STX8: variants seen among roughly 807,000 people sequenced by gnomAD.
The protein encoded by STX8 is syntaxin 8.
Under a neutral mutation model 37.5 loss-of-function variants are expected in STX8, and 23 were observed. The observed-to-expected ratio is 0.61, with a 90% CI of 0.44 to 0.87. The LOEUF (loss-of-function observed/expected upper bound fraction) is 0.87, where lower values mean the gene tolerates loss of function less well. STX8 is among the 40% of genes least tolerant of loss of function. STX8 has a pLI of 0.00. For synonymous variants in STX8, 115 were observed against 99.1 expected, an observed-to-expected ratio of 1.16 and a Z score of -0.95; for missense variants, 313 against 284.7, an observed-to-expected ratio of 1.10 and a Z score of -0.71.
intron 7 of STX8, among the ~76,000 whole-genome samples, chr17:9,352,726 T>C (rs1276646679): frequency 6.6e-6 from 1 of 151,420 alleles, no homozygotes; most frequent in Admixed American, 6.6e-5. Flanking sequence ...ATGGTCTCGA[T>C]CTCCTGACCT....
intron 4 of STX8, among the ~76,000 whole-genome samples, chr17:9,516,298 CATATATATATATATATATATATATAT>C (rs150682084): frequency 7.3e-4 from 38 of 51,752 alleles, no homozygotes; most frequent in Admixed American, 2.8e-3. Flanking sequence ...GAACCACAGT[CATATATATATATATATATATATATAT>C]ATATATATAT....
intron 6 of STX8, among the ~76,000 whole-genome samples, chr17:9,405,912 G>T (rs141668520): frequency 5.3e-5 from 8 of 152,178 alleles, no homozygotes; most frequent in African/African-American, 1.4e-4. Flanking sequence ...CTTTCCTTTT[G>T]CTTTAAGTTG....
At chr17:9,371,786 A>G (rs148337719) in intron 7 of STX8, among the ~76,000 whole-genome samples, 2 of 151,982 alleles carry the variant, frequency 1.3e-5, no homozygotes, top group Non-Finnish European at 2.9e-5. Context: ...GTTACTTATT[A>G]TAGTTTTCGG....
At chr17:9,297,630 G>A (rs1286106570) in intron 7 of STX8, among the ~76,000 whole-genome samples, 1 of 152,200 alleles carries the variant, frequency 6.6e-6, no homozygotes, top group Non-Finnish European at 1.5e-5. Flanking sequence ...TTACCTGGGA[G>A]GCTGAAGCAG....
chr17:9,436,135 G>C (rs558822079), intron 6 of STX8, among the ~76,000 whole-genome samples: 1 of 151,400 alleles, frequency 6.6e-6, no homozygotes, highest in Non-Finnish European at 1.5e-5. Context: ...TCAGGTGATC[G>C]AGACCATCCT....
At chr17:9,298,884 T>C (rs963142394) in intron 7 of STX8, among the ~76,000 whole-genome samples, 19 of 152,172 alleles carry the variant, frequency 1.2e-4, no homozygotes, top group African/African-American at 1.9e-4. Context: ...AAGCATTCCT[T>C]TGCAACTCCT....
intron 4 of STX8, among the ~76,000 whole-genome samples, chr17:9,541,580 G>A (rs1027369202): frequency 1.3e-5 from 2 of 152,166 alleles, no homozygotes; most frequent in Non-Finnish European, 2.9e-5. Flanking sequence ...CCAGTCTAAG[G>A]TCAATGACTT....
rs374459936 is a variant in STX8 at position 9,541,822 on chromosome 17, T to C, written c.323+3350A>G. ...AAAGAGCTTAGCACAGTGCCTACCA[T>C]ATAAAAAACAAATAGCAGACATAAG... On this transcript the variant is annotated intron_variant, in intron 4 of 7. Coordinates refer to ENST00000306357, the MANE Select transcript of STX8 (RefSeq NM_004853.3). Among the ~76,000 whole-genome samples the C allele has an allele frequency of 6.6e-5, 10 of 152,234 alleles. No homozygotes were observed. In the South Asian group the frequency reaches 2.1e-3, roughly 32 times the overall value.
chr17:9,376,480 T>A (rs1192566861), intron 7 of STX8, among the ~76,000 whole-genome samples: 1 of 152,114 alleles, frequency 6.6e-6, no homozygotes, highest in Non-Finnish European at 1.5e-5. Flanking sequence ...CAGCACTCTG[T>A]AAAATAGACC....
intron 6 of STX8, among the ~76,000 whole-genome samples, chr17:9,420,849 C>T (rs1567552742): frequency 6.6e-6 from 1 of 152,166 alleles, no homozygotes; most frequent in Non-Finnish European, 1.5e-5. Flanking sequence ...AGAAGAGAGT[C>T]TCTCAACTTA....
At chr17:9,343,497 G>C (rs1011754924) in intron 7 of STX8, among the ~76,000 whole-genome samples, 4 of 152,170 alleles carry the variant, frequency 2.6e-5, no homozygotes, top group African/African-American at 9.7e-5. Context: ...TCATGTGAAA[G>C]ATGCCAAAAT....
At chr17:9,487,023 A>G (rs1171467323) in intron 6 of STX8, among the ~76,000 whole-genome samples, 1 of 152,128 alleles carries the variant, frequency 6.6e-6, no homozygotes, top group Non-Finnish European at 1.5e-5. Flanking sequence ...AGTGGCCATT[A>G]GGGTCTGTCA....
intron 6 of STX8, among the ~76,000 whole-genome samples, chr17:9,488,702 C>G (rs980135230): frequency 6.6e-6 from 1 of 152,170 alleles, no homozygotes; most frequent in Non-Finnish European, 1.5e-5. Flanking sequence ...CCCCTACATC[C>G]TCCAGAAGGA....
intron 7 of STX8, among the ~76,000 whole-genome samples, chr17:9,255,557 T>TATAAATAA (rs35589958): frequency 0.017 from 1,834 of 109,766 alleles, 37 homozygotes; most frequent in South Asian, 0.12. Flanking sequence ...TAAATAAATA[T>TATAAATAA]ATAAATAAAT....
chr17:9,304,668 A>AAT (rs1908906862), intron 7 of STX8, among the ~76,000 whole-genome samples: 2 of 151,930 alleles, frequency 1.3e-5, no homozygotes, highest in African/African-American at 4.8e-5. Context: ...ATGAAATAAT[A>AAT]TTTTTTCCTC....
intron 7 of STX8, among the ~76,000 whole-genome samples, chr17:9,250,920 A>G (rs1906552080): frequency 6.6e-6 from 1 of 152,098 alleles, no homozygotes; most frequent in Non-Finnish European, 1.5e-5. Context: ...TAACTCTAGC[A>G]TCTGTGTACA....
intron 6 of STX8, among the ~76,000 whole-genome samples, chr17:9,445,993 G>A (rs922931256): frequency 1.4e-4 from 21 of 151,704 alleles, no homozygotes; most frequent in African/African-American, 3.4e-4. Flanking sequence ...CTGCCACCAC[G>A]CCCGGCTGAT....
chr17:9,388,050 T>G (rs1351819702), intron 6 of STX8, among the ~76,000 whole-genome samples: 1 of 151,858 alleles, frequency 6.6e-6, no homozygotes, highest in African/African-American at 2.4e-5. Flanking sequence ...CTTTATTAGT[T>G]GTTGTTTCTA....
intron 7 of STX8, among the ~76,000 whole-genome samples, chr17:9,310,212 A>T (rs1380610454): frequency 6.6e-6 from 1 of 152,190 alleles, no homozygotes; most frequent in Non-Finnish European, 1.5e-5. Flanking sequence ...AAATCCTAAT[A>T]AGAGAACTTC....
Sources: allele counts gnomAD v4.1 joint callset (sites outside exome capture counted in the v4.1 genomes callset), GRCh38; gene constraint gnomAD v4.1.1; transcripts MANE v1.5; gene names NCBI Gene and HGNC (gene_info 2026-07-23, HGNC 2026-07-21).